Variants in STON2 observed in about 807,000 individuals in gnomAD.
STON2 encodes stonin-2.
In STON2, 29 loss-of-function variants were observed where a neutral mutation model predicts 65.7. That is an observed-to-expected ratio of 0.44 (90% confidence interval 0.33 to 0.60). The LOEUF is 0.60. Among genes scored for constraint, STON2 ranks in the 20% least tolerant of loss-of-function variants. The pLI is 0.03. For missense variants in STON2, 1,054 were observed against 1,118.1 expected (o/e 0.94, Z 0.82); for synonymous variants, 404 against 414.2 (o/e 0.98, Z 0.30).
intron 4 of STON2, among the ~76,000 whole-genome samples, chr14:81,357,705 G>A (rs935742514): frequency 2.6e-5 from 4 of 152,106 alleles, no homozygotes; most frequent in African/African-American, 7.2e-5. Flanking sequence ...ATACTACGCA[G>A]CCATAAAAAA....
At chr14:81,345,964 G>C (rs1391821685) in intron 4 of STON2, among the ~76,000 whole-genome samples, 5 of 152,152 alleles carry the variant, frequency 3.3e-5, no homozygotes, top group Non-Finnish European at 7.3e-5. Flanking sequence ...TGCAACACTT[G>C]TCTGAGTTTC....
At chr14:81,286,137 T>C (rs1895324946) in intron 5 of STON2, among the ~76,000 whole-genome samples, 1 of 152,164 alleles carries the variant, frequency 6.6e-6, no homozygotes, top group Non-Finnish European at 1.5e-5. Context: ...GACAGAGCCA[T>C]TTCCATTTAT....
chr14:81,383,116 G>A (rs1398762669), intron 3 of STON2, among the ~76,000 whole-genome samples: 4 of 152,160 alleles, frequency 2.6e-5, no homozygotes, highest in Non-Finnish European at 5.9e-5. Context: ...CATCCATCCA[G>A]CTTGAAGGAA....
chr14:81,266,867 G>A lies in STON2; in HGVS notation c.*1547C>T, dbSNP rs1330687043. On this transcript the variant is annotated 3_prime_UTR_variant, in exon 8 of 8. Coordinates refer to ENST00000614646, the MANE Select transcript of STON2 (RefSeq NM_001394390.1). ...AAACACACACTCCACTCTGTACTTA[G>A]AGGGTTGCATTTTAAAAACCCAGAA... 16 of 980,128 alleles carry A rather than the reference G, an allele frequency of 1.6e-5. No homozygotes were observed. The highest frequency in any genetic ancestry group is 1.8e-5 in the Non-Finnish European group (15 of 825,380). The allele number at this position is 980,128 out of a possible 1,614,324, so 60.7% of individuals were successfully genotyped here.
chr14:81,261,944 T>TAAA lies in STON2; in HGVS notation c.*6467_*6469dup, dbSNP rs753081402. ...CTGTTTCTGTTGTCTGGGGAAATGA[T>TAAA]AAAAAAAAAAAAAAAAAAGAGAGAG... On this transcript the variant is annotated 3_prime_UTR_variant, in exon 8 of 8. Transcript: ENST00000614646. The TAAA allele has an allele frequency of 3.6e-3, 4,345 of 1,192,502 alleles. 1 individual carries two copies. Among genetic ancestry groups the TAAA allele is most frequent in the African/African-American group, 4.8e-3 (258 of 54,228 alleles). 73.9% of individuals were successfully genotyped at this position (1,192,502 alleles called of 1,614,324 possible). A position where few individuals can be genotyped will look rare whatever the true frequency, so the allele number is the denominator to read the frequency against.
At chr14:81,316,581 A>G (rs548814480) in intron 5 of STON2, among the ~76,000 whole-genome samples, 3 of 152,356 alleles carry the variant, frequency 2.0e-5, no homozygotes, top group African/African-American at 7.2e-5. Flanking sequence ...ATAGGTGGCT[A>G]ATCTCAGTTG....
rs894147080 is a variant in STON2 at position 81,324,101 on chromosome 14, G to A, written c.658C>T (p.Arg220Cys). The change falls in exon 5 of 8, where the codon CGC (arginine) becomes TGC (cysteine). Residue 220 changes from arginine to cysteine, a missense_variant. Arg to Cys is a radical substitution (Grantham distance 180). Coordinates refer to ENST00000614646, the MANE Select transcript of STON2 (RefSeq NM_001394390.1). Reference sequence around the variant, plus strand: ...GGTGAGGGTGGCGAGGGGTCCAGGCGGTGGGTGCGGGTGGAGGTATGCTCC... The same window carrying A: ...GGTGAGGGTGGCGAGGGGTCCAGGCAGTGGGTGCGGGTGGAGGTATGCTCC... The part of the protein sequence containing the change: ...CSEHTSTRTH[R>C]LDPSPPSPQP... Among the ~76,000 whole-genome samples, 2 of 152,234 alleles carry A rather than the reference G, an allele frequency of 1.3e-5. No homozygotes were observed. Among genetic ancestry groups the A allele is most frequent in the Non-Finnish European group, 1.5e-5 (1 of 68,040 alleles).
chr14:81,277,238 C>T lies in STON2; in HGVS notation c.2244G>A (p.Arg748=). 3.7e-6 allele frequency: 6 copies of T among 1,614,196 alleles called. No individual in the cohort carries two copies. The highest frequency in any genetic ancestry group is 5.1e-6 in the Non-Finnish European group (6 of 1,180,038). ...CTGCCCCATTGACACTTGTGGCCGT[C>T]CTGAGTGTGAAAGGCAAGGTCTTCT... The part of the protein sequence containing the change: ...FAEKTLPFTL[R]TATSVNGAEV... The change falls in exon 6 of 8, where the codon AGG becomes AGA. Residue 748 remains arginine, a synonymous_variant. Coordinates refer to ENST00000614646, the MANE Select transcript of STON2 (RefSeq NM_001394390.1).
At chr14:81,426,874 G>A (rs1459384354) in intron 2 of STON2, among the ~76,000 whole-genome samples, 1 of 152,092 alleles carries the variant, frequency 6.6e-6, no homozygotes, top group African/African-American at 2.4e-5. Context: ...CGTAAGCTTC[G>A]TCTAACACAG....
At chr14:81,343,854 G>A (rs1241205457) in intron 4 of STON2, among the ~76,000 whole-genome samples, 1 of 152,136 alleles carries the variant, frequency 6.6e-6, no homozygotes, top group African/African-American at 2.4e-5. Flanking sequence ...TTCTACAGCT[G>A]AGGAAACTAA....
At chr14:81,385,943 C>A (rs922079748) in intron 3 of STON2, among the ~76,000 whole-genome samples, 10 of 152,222 alleles carry the variant, frequency 6.6e-5, no homozygotes, top group Non-Finnish European at 2.9e-5. Context: ...TCTGGCCCCC[C>A]GCTGCAGAGG....
At chr14:81,398,964 T>C (rs1900468238) in intron 1 of STON2, among the ~76,000 whole-genome samples, 2 of 152,286 alleles carry the variant, frequency 1.3e-5, no homozygotes, top group Admixed American at 6.5e-5. Context: ...TGTTCTTTTC[T>C]ATTAAATTAG....
intron 4 of STON2, among the ~76,000 whole-genome samples, chr14:81,334,918 A>G (rs1018528608): frequency 4.6e-5 from 7 of 151,978 alleles, no homozygotes; most frequent in Non-Finnish European, 8.8e-5. Flanking sequence ...GCTCACTGCA[A>G]CCTGTATCTC....
chr14:81,263,185 C>A lies in STON2; in HGVS notation c.*5229G>T. Reference sequence around the variant, plus strand: ...ATGACCTAAGGCTAGCTTGTCCAACCCTTGGCCCATGATGGTTTTGAATGT... The same window carrying A: ...ATGACCTAAGGCTAGCTTGTCCAACACTTGGCCCATGATGGTTTTGAATGT... On this transcript the variant is annotated 3_prime_UTR_variant, in exon 8 of 8. Transcript: ENST00000614646. 1 of 984,584 alleles carries A rather than the reference C, an allele frequency of 1.0e-6. No individual in the cohort carries two copies. The highest frequency in any genetic ancestry group is 1.1e-4 in the East Asian group (1 of 8,812). The allele number at this position is 984,584 out of a possible 1,614,324, so 61.0% of individuals were successfully genotyped here. A position where few individuals can be genotyped will look rare whatever the true frequency, so the allele number is the denominator to read the frequency against.
chr14:81,380,811 G>C (rs945663098), intron 3 of STON2, among the ~76,000 whole-genome samples: 2 of 152,030 alleles, frequency 1.3e-5, no homozygotes, highest in Non-Finnish European at 2.9e-5. Flanking sequence ...ACAGACCCTG[G>C]GGCCCACTTG....
chr14:81,327,784 T>C (rs1225718736), intron 4 of STON2, among the ~76,000 whole-genome samples: 1 of 152,186 alleles, frequency 6.6e-6, no homozygotes, highest in African/African-American at 2.4e-5. Flanking sequence ...TAAAATCTAT[T>C]TTACTGAGAT....
Position 81,412,984 on chromosome 14 carries a change from G to A in STON2, c.-199+14118C>T, listed in dbSNP as rs1255552507. 1.2e-4 allele frequency: 129 copies of A among 1,067,450 alleles called. 10 individuals carry two copies. The highest frequency in any genetic ancestry group is 6.0e-5 in the Non-Finnish European group (43 of 720,346). The allele number at this position is 1,067,450 out of a possible 1,614,324, so 66.1% of individuals were successfully genotyped here. ...CATGGGTAACCATGTGCGACCAAAA[G>A]GCCGTGATCAAAAATGCGGACATGT... On this transcript the variant is annotated intron_variant, in intron 2 of 8. Transcript: ENST00000553821.
Position 81,261,392 on chromosome 14 carries a change from A to T in STON2, c.*7022T>A, listed in dbSNP as rs564944129. ...TCCTTACTCTGTCCAGTTGGAATCAATCCAACACATCTGACTACCACAAAT... is the reference window on the plus strand; with the variant it reads ...TCCTTACTCTGTCCAGTTGGAATCATTCCAACACATCTGACTACCACAAAT... On this transcript the variant is annotated 3_prime_UTR_variant, in exon 8 of 8. Transcript: ENST00000614646. The T allele has an allele frequency of 3.2e-5, 5 of 154,670 alleles. No homozygotes were observed. The highest frequency in any genetic ancestry group is 1.2e-4 in the African/African-American group (5 of 41,664). The allele number at this position is 154,670 out of a possible 1,614,324, so 9.6% of individuals were successfully genotyped here. A position where few individuals can be genotyped will look rare whatever the true frequency, so the allele number is the denominator to read the frequency against.
At position 81,374,314 on chromosome 14, in the gene STON2, C is replaced by T. The variant is rs560087524; in HGVS notation, c.374-3129G>A. 3.0e-4 allele frequency among the ~76,000 whole-genome samples: 46 copies of T among 152,088 alleles called. 1 individual carries two copies. The South Asian group carries it at 7.9e-3, about 26-fold the overall frequency. On this transcript the variant is annotated intron_variant, in intron 3 of 7. Transcript: ENST00000614646. ...GATTACAGGCGTGAGCCACCACGCC[C>T]GGCCAATAATCCCTTCTGAAGGAAG...
Sources: allele counts gnomAD v4.1 joint callset (sites outside exome capture counted in the v4.1 genomes callset), GRCh38; gene constraint gnomAD v4.1.1; transcripts MANE v1.5; gene names NCBI Gene and HGNC (gene_info 2026-07-23, HGNC 2026-07-21).